Variants in SLC36A1 observed in about 807,000 individuals in gnomAD.
The protein encoded by SLC36A1 is solute carrier family 36 member 1.
Under a neutral mutation model 47.5 loss-of-function variants are expected in SLC36A1, and 30 were observed. The observed-to-expected ratio is 0.63, with a 90% CI of 0.47 to 0.86. SLC36A1 has a LOEUF of 0.86. Among genes scored for constraint, SLC36A1 ranks in the 40% least tolerant of loss-of-function variants. The probability of loss-of-function intolerance (pLI) is 0.00; values close to 1 mark genes in which losing one functional copy is unlikely to be tolerated. For synonymous variants in SLC36A1, 255 were observed against 249.7 expected, an observed-to-expected ratio of 1.02 and a Z score of -0.20; for missense variants, 517 against 606.0, an observed-to-expected ratio of 0.85 and a Z score of 1.54.
At chr5:151,543,378 T>TG in the SLC36A1 span, 4 of 1,614,062 alleles carry the variant, frequency 2.5e-6, no homozygotes, top group Non-Finnish European at 3.4e-6. Context: ...CTTTGAACTG[T>TG]GGGGGGTTGT....
chr5:151,469,276 G>T, intron 7 of SLC36A1: 1 of 699,002 alleles, frequency 1.4e-6, no homozygotes, highest in Non-Finnish European at 2.6e-6. Context: ...GCCCATGTAA[G>T]TATATTGAGA....
intron 10 of SLC36A1, among the ~76,000 whole-genome samples, chr5:151,484,732 T>C (rs1759287972): frequency 1.3e-5 from 2 of 152,218 alleles, no homozygotes. Context: ...GTTCTTTACA[T>C]GAGTGATATC....
At chr5:151,393,897 C>T in the SLC36A1 span, among the ~76,000 whole-genome samples, 11 of 152,248 alleles carry the variant, frequency 7.2e-5, 1 homozygote, top group Admixed American at 4.6e-4. Context: ...TTGTTCTTCT[C>T]GAGGAGTATC....
At chr5:151,542,728 T>A in the SLC36A1 span, 1 of 1,614,242 alleles carries the variant, frequency 6.2e-7, no homozygotes, top group Non-Finnish European at 8.5e-7. Context: ...CTTATATGGA[T>A]CAGCCTCAAA....
chr5:151,355,712 A>G, the SLC36A1 span, among the ~76,000 whole-genome samples: 2 of 152,232 alleles, frequency 1.3e-5, no homozygotes, highest in Admixed American at 1.3e-4. Context: ...ACTGTGAAAT[A>G]TGAAATGTTC....
chr5:151,528,165 G>T, the SLC36A1 span: 1 of 1,608,470 alleles, frequency 6.2e-7, no homozygotes, highest in Non-Finnish European at 8.5e-7. Context: ...GTGAATGGAG[G>T]GACAGGAATC....
the SLC36A1 span, among the ~76,000 whole-genome samples, chr5:151,514,244 A>T: frequency 1.3e-5 from 2 of 152,248 alleles, no homozygotes; most frequent in Admixed American, 1.3e-4. Flanking sequence ...AACAAAAATG[A>T]ATGCAACTCA....
At chr5:151,493,725 C>A (rs1760261104), downstream of SLC36A1, among the ~76,000 whole-genome samples, 1 of 152,218 alleles carries the variant, frequency 6.6e-6, no homozygotes, top group Non-Finnish European at 1.5e-5. Flanking sequence ...CATTGGGATA[C>A]ACACACAAGT....
chr5:151,421,554 T>TTTTTTC, the SLC36A1 span, among the ~76,000 whole-genome samples: 3 of 147,928 alleles, frequency 2.0e-5, no homozygotes, highest in Non-Finnish European at 4.5e-5. Context: ...TCTTGTAGAG[T>TTTTTTC]TTTTTCTTTT....
the SLC36A1 span, among the ~76,000 whole-genome samples, chr5:151,363,853 A>G: frequency 6.6e-6 from 1 of 152,180 alleles, no homozygotes; most frequent in Non-Finnish European, 1.5e-5. Context: ...CTTTTACTGT[A>G]ACATACAATT....
the SLC36A1 span, among the ~76,000 whole-genome samples, chr5:151,532,384 TACAAACACAC>T: frequency 1.4e-5 from 1 of 72,396 alleles, no homozygotes; most frequent in Non-Finnish European, 2.5e-5. Context: ...AGTGTGCGTG[TACAAACACAC>T]ACACACACAC....
the SLC36A1 span, chr5:151,506,060 G>C: frequency 1.3e-6 from 2 of 1,549,306 alleles, no homozygotes; most frequent in African/African-American, 2.8e-5. Flanking sequence ...CGTTCCTGGA[G>C]TAAGTAGGGG....
At chr5:151,462,513 T>C (rs1288460024) in intron 2 of SLC36A1, among the ~76,000 whole-genome samples, 1 of 151,864 alleles carries the variant, frequency 6.6e-6, no homozygotes, top group East Asian at 1.9e-4. Context: ...TACAGGTGCC[T>C]GCCACCACGC....
rs569760677 is a variant in SLC36A1 at position 151,482,292 on chromosome 5, G to A, written c.1159+2803G>A. 1.6e-4 allele frequency among the ~76,000 whole-genome samples: 24 copies of A among 149,820 alleles called. No homozygotes were observed. In the South Asian group the frequency reaches 4.2e-3, roughly 26 times the overall value. On this transcript the variant is annotated intron_variant, in intron 10 of 10. Coordinates refer to ENST00000243389, the MANE Select transcript of SLC36A1 (RefSeq NM_078483.4). ...TGCCACCCCCCACCCTGCATTCCCC[G>A]CCCAGGAACCCTCATAAGGCCTCAG...
chr5:151,544,208 C>T, the SLC36A1 span: 22 of 1,614,080 alleles, frequency 1.4e-5, no homozygotes, highest in Admixed American at 1.2e-4. Context: ...TGATAAGAGA[C>T]GTCACGGTTC....
At chr5:151,461,020 C>T (rs11167548) in intron 2 of SLC36A1, among the ~76,000 whole-genome samples, 4 of 151,824 alleles carry the variant, frequency 2.6e-5, no homozygotes, top group Non-Finnish European at 5.9e-5. Flanking sequence ...CAGGGTCTTG[C>T]TCTGTTGTCC....
chr5:151,463,637 C>T lies in SLC36A1; in HGVS notation c.228C>T (p.Gly76=), dbSNP rs200568239. 1.9e-6 allele frequency: 3 copies of T among 1,613,834 alleles called. No homozygotes were observed. Among genetic ancestry groups the T allele is most frequent in the Admixed American group, 3.3e-5 (2 of 60,024 alleles). ...TCCCTCTGGCGGTGAAAAATGCAGG[C>T]ATCGTGGTAAGGGTCTGCATCAGTG... ...LGLPLAVKNA[G]IVMGPISLLI... is the part of the protein sequence containing the mutation. Residue 76 remains glycine, a synonymous_variant, in exon 3 of 11, where the codon GGC becomes GGT. Transcript: ENST00000243389.
At chr5:151,545,253 C>A in the SLC36A1 span, 1 of 1,614,080 alleles carries the variant, frequency 6.2e-7, no homozygotes, top group South Asian at 1.1e-5. Flanking sequence ...GCACTTGGGT[C>A]AAAGAAATTT....
At chr5:151,540,521 T>C in the SLC36A1 span, 24 of 1,547,538 alleles carry the variant, frequency 1.6e-5, no homozygotes, top group African/African-American at 1.4e-4. Context: ...CTCACTCTTA[T>C]CTTCCTTGCC....
Sources: gnomAD v4.1 joint callset for allele counts (sites outside exome capture counted in the v4.1 genomes callset) on GRCh38, gnomAD v4.1.1 for gene constraint, MANE v1.5 for transcripts, NCBI Gene and HGNC (gene_info 2026-07-23, HGNC 2026-07-21) for gene names.